Variants in PYHIN1 observed in about 807,000 individuals in gnomAD.
The protein encoded by PYHIN1 is pyrin and HIN domain-containing protein 1.
PYHIN1 carries 32 observed loss-of-function variants against 43.7 expected under a neutral mutation model. That is an observed-to-expected ratio of 0.73 (90% CI 0.55 to 0.98). The LOEUF (loss-of-function observed/expected upper bound fraction) is 0.98, where lower values mean the gene tolerates loss of function less well. Ranked by LOEUF, PYHIN1 falls within the 50% of genes least tolerant of loss-of-function variation. The pLI, the probability that PYHIN1 is intolerant of heterozygous loss-of-function variation, is 0.00. For synonymous variants in PYHIN1, 205 were observed against 203.1 expected (o/e 1.01, Z -0.08); for missense variants, 588 against 589.5 (o/e 1.00, Z 0.03).
chr1:158,978,420 C>A (rs1571796760), downstream of PYHIN1, among the ~76,000 whole-genome samples: 1 of 152,082 alleles, frequency 6.6e-6, no homozygotes. Flanking sequence ...GTCAAAATCA[C>A]ATCATTCAGC....
chr1:158,947,163 A>G (rs2101670116), intron 7 of PYHIN1, among the ~76,000 whole-genome samples: 2 of 152,348 alleles, frequency 1.3e-5, no homozygotes, highest in South Asian at 2.1e-4. Flanking sequence ...TCTTTTTAAT[A>G]AAATTTATTA....
chr1:158,937,161 G>C lies in PYHIN1; in HGVS notation c.251G>C (p.Arg84Thr). 3 of 1,588,874 alleles carry C rather than the reference G, an allele frequency of 1.9e-6. No homozygotes were observed. The African/African-American group carries it at 4.1e-5, about 22-fold the overall frequency. The change falls in exon 2 of 9, where the codon AGA becomes ACA. Residue 84 changes from arginine (R) to threonine (T), a missense_variant. Physicochemically the swap from Arg to Thr is moderately conservative, Grantham distance 71 (BLOSUM62 -1). Coordinates refer to ENST00000368140, the MANE Select transcript of PYHIN1 (RefSeq NM_152501.5). ...TLGDLAETLK[R>T]EKLKVANKIE... ...GGAGACCTTGCTGAAACTCTTAAAAGAGAAAAGTTAAAAGGTAATTGGGAA... is the reference window on the plus strand; with the variant it reads ...GGAGACCTTGCTGAAACTCTTAAAACAGAAAAGTTAAAAGGTAATTGGGAA...
At chr1:158,990,698 T>G in the PYHIN1 span, among the ~76,000 whole-genome samples, 6,264 of 152,238 alleles carry the variant, frequency 0.041, 353 homozygotes, top group East Asian at 0.26. Context: ...CTACCCTTTG[T>G]TTACCACCAC....
At chr1:158,981,127 C>T (rs929526273), downstream of PYHIN1, among the ~76,000 whole-genome samples, 9 of 152,196 alleles carry the variant, frequency 5.9e-5, no homozygotes, top group Middle Eastern at 3.4e-3. Flanking sequence ...ATGTTGTATA[C>T]GTACCACATT....
At chr1:158,953,332 T>C (rs922037581) in intron 7 of PYHIN1, among the ~76,000 whole-genome samples, 2 of 150,068 alleles carry the variant, frequency 1.3e-5, no homozygotes, top group Non-Finnish European at 3.0e-5. Context: ...CAGTAAACTC[T>C]GCAGACTTAA....
the PYHIN1 span, among the ~76,000 whole-genome samples, chr1:158,982,198 T>A: frequency 6.6e-6 from 1 of 152,174 alleles, no homozygotes; most frequent in Non-Finnish European, 1.5e-5. Context: ...GTCTTTGTCA[T>A]GAAGTCTTTG....
intron 7 of PYHIN1, among the ~76,000 whole-genome samples, chr1:158,960,856 G>A (rs1252110687): frequency 6.6e-6 from 1 of 152,172 alleles, no homozygotes; most frequent in Non-Finnish European, 1.5e-5. Context: ...CCACCATTGT[G>A]ATGGACTGTT....
At chr1:158,980,500 A>G (rs556060290), downstream of PYHIN1, among the ~76,000 whole-genome samples, 1 of 152,204 alleles carries the variant, frequency 6.6e-6, no homozygotes, top group South Asian at 2.1e-4. Flanking sequence ...GTTAATATTA[A>G]TACCCTGGGA....
chr1:158,959,297 G>A (rs114101745), intron 7 of PYHIN1, among the ~76,000 whole-genome samples: 229 of 152,262 alleles, frequency 1.5e-3, no homozygotes, highest in African/African-American at 5.1e-3. Context: ...CCACAGCCTC[G>A]ACTAGCTGGC....
At chr1:158,953,478 C>T (rs1265167653) in intron 7 of PYHIN1, among the ~76,000 whole-genome samples, 1 of 150,444 alleles carries the variant, frequency 6.6e-6, no homozygotes, top group Non-Finnish European at 1.5e-5. Flanking sequence ...GAGGCACCCC[C>T]CAGCAGGGGC....
intron 7 of PYHIN1, among the ~76,000 whole-genome samples, chr1:158,947,883 C>CTACCT (rs1274660018): frequency 1.3e-5 from 2 of 152,148 alleles, no homozygotes; most frequent in East Asian, 3.8e-4. Flanking sequence ...GATAAACTAC[C>CTACCT]TCCTTTGTAC....
intron 7 of PYHIN1, among the ~76,000 whole-genome samples, chr1:158,963,826 G>A (rs1031419938): frequency 1.9e-4 from 29 of 152,234 alleles, no homozygotes; most frequent in African/African-American, 5.5e-4. Flanking sequence ...GAAAGCCAGA[G>A]TGTCTTGTTT....
At position 158,939,104 on chromosome 1, in the gene PYHIN1, G is replaced by A; in HGVS notation, c.436G>A (p.Glu146Lys). 6.3e-7 allele frequency: 1 copy of A among 1,594,724 alleles called. No homozygotes were observed. Reference sequence around the variant, plus strand: ...GAAAAGAAAAAAACCATCTGAAGAAGAGACTGGAACCAAAAGGAGTAAGAT... The same window carrying A: ...GAAAAGAAAAAAACCATCTGAAGAAAAGACTGGAACCAAAAGGAGTAAGAT... Reference protein sequence around the residue: ...PQKRKKPSEEETGTKRSKMSK... With the variant: ...PQKRKKPSEEKTGTKRSKMSK... Residue 146 changes from glutamate (E) to lysine (K), a missense_variant, in exon 4 of 9, where the codon GAG becomes AAG. By Grantham distance (56) the Glu-to-Lys change is moderately conservative. Transcript: ENST00000368140.
rs1442616966 is a variant in PYHIN1 at position 158,933,227 on chromosome 1, C to A, written c.-21+1451C>A. Among the ~76,000 whole-genome samples the A allele has an allele frequency of 2.0e-5, 3 of 151,198 alleles. No homozygotes were observed. The highest frequency in any genetic ancestry group is 3.0e-5 in the Non-Finnish European group (2 of 67,786). ...ATACATGTTTCCAAACATAAACATA[C>A]ACATATAAATATATATATTTGTGGC... On this transcript the variant is annotated intron_variant, in intron 1 of 8. Transcript: ENST00000368140. The surrounding 1 kb of genome is among the most constrained non-coding windows in gnomAD (Gnocchi z 6.3).
intron 7 of PYHIN1, among the ~76,000 whole-genome samples, chr1:158,968,315 C>T (rs778166922): frequency 2.6e-5 from 4 of 151,980 alleles, no homozygotes; most frequent in Non-Finnish European, 5.9e-5. Context: ...CAATAGAAAA[C>T]ATACACATGG....
rs370156663 is a variant in PYHIN1 at position 158,942,052 on chromosome 1, G to A, written c.655G>A (p.Val219Ile). The change falls in exon 5 of 9, where the codon GTA (valine) becomes ATA (isoleucine). Residue 219 changes from valine (V) to isoleucine (I), a missense_variant. Coordinates refer to ENST00000368140, the MANE Select transcript of PYHIN1 (RefSeq NM_152501.5). ...CCGAGAAGACCCAATAATCGCGATG[G>A]TACTAAATGCAACAAAAGTATTTAA... ...IFREDPIIAM[V>I]LNATKVFKYE... 2 of 1,613,788 alleles carry A rather than the reference G, an allele frequency of 1.2e-6. No individual in the cohort carries two copies. Among genetic ancestry groups the A allele is most frequent in the Non-Finnish European group, 1.7e-6 (2 of 1,179,948 alleles).
Position 158,969,403 on chromosome 1 carries a change from C to T in PYHIN1, c.1360-4244C>T, listed in dbSNP as rs1650812664. On this transcript the variant is annotated intron_variant, in intron 7 of 8. Transcript: ENST00000368140. ...AAAAGGAAAACTGAGTCACTATCTTCCAATCTAGTATCTTACCCATTACCA... is the reference window on the plus strand; with the variant it reads ...AAAAGGAAAACTGAGTCACTATCTTTCAATCTAGTATCTTACCCATTACCA... Among the ~76,000 whole-genome samples the T allele has an allele frequency of 2.0e-5, 3 of 151,882 alleles. No individual in the cohort carries two copies. The South Asian group carries it at 6.2e-4, about 31-fold the overall frequency.
rs1651318786 is a variant in PYHIN1, at chr1:158,977,035, AT to A, written c.*341del. ...CAGAATTTTCATAATTTGAAAAAAAATAAACTTTTTTTTCTTAAAGAGTGCT... is the reference window on the plus strand; with the variant it reads ...CAGAATTTTCATAATTTGAAAAAAAAAAACTTTTTTTTCTTAAAGAGTGCT... On this transcript the variant is annotated 3_prime_UTR_variant, in exon 9 of 9. Coordinates refer to ENST00000368140, the MANE Select transcript of PYHIN1 (RefSeq NM_152501.5). The A allele has an allele frequency of 3.2e-5, 2 of 63,464 alleles. No homozygotes were observed. Among genetic ancestry groups the A allele is most frequent in the Admixed American group, 3.4e-4 (1 of 2,910 alleles). The allele number at this position is 63,464 out of a possible 1,614,324, so 3.9% of individuals were successfully genotyped here.
chr1:158,990,582 A>G, the PYHIN1 span, among the ~76,000 whole-genome samples: 19 of 152,158 alleles, frequency 1.2e-4, no homozygotes, highest in Non-Finnish European at 2.4e-4. Flanking sequence ...CTTTAGCTAT[A>G]GTCACCTTGC....
Sources: gnomAD v4.1 joint callset for allele counts (sites outside exome capture counted in the v4.1 genomes callset) on GRCh38, gnomAD v4.1.1 for gene constraint, Gnocchi (gnomAD v3.1) non-coding constraint, MANE v1.5 for transcripts, NCBI Gene and HGNC (gene_info 2026-07-23, HGNC 2026-07-21) for gene names.